ADAMTS12: variants seen among roughly 807,000 people sequenced by gnomAD.
ADAMTS12 encodes the protein ADAM metallopeptidase with thrombospondin type 1 motif 12.
A neutral mutation model predicts 167.8 loss-of-function variants in ADAMTS12; 118 were observed. That is an observed-to-expected ratio of 0.70 (90% confidence interval 0.61 to 0.82). The LOEUF is 0.82. Ranked by LOEUF, ADAMTS12 falls within the 40% of genes least tolerant of loss-of-function variation. The pLI is 0.00. For missense variants in ADAMTS12, 1,916 were observed against 1,998.8 expected (o/e 0.96, Z 0.79); for synonymous variants, 704 against 716.9 (o/e 0.98, Z 0.29).
At position 33,772,428 on chromosome 5, in the gene ADAMTS12, T is replaced by C. The variant is rs537309592; in HGVS notation, c.490-20880A>G. On this transcript the variant is annotated intron_variant, in intron 2 of 23. Transcript: ENST00000504830. ...TCTACCAGTGGGTCCAACTGAGCAG[T>C]GTGAGATGAAACTAATTTACCATGT... Among the ~76,000 whole-genome samples the C allele has an allele frequency of 3.3e-5, 5 of 152,222 alleles. No individual in the cohort carries two copies. In the South Asian group the frequency reaches 8.3e-4, roughly 25 times the overall value.
intron 6 of ADAMTS12, among the ~76,000 whole-genome samples, chr5:33,659,339 G>C (rs1258419633): frequency 6.6e-6 from 1 of 152,200 alleles, no homozygotes. Context: ...TTCAGTACTG[G>C]AGAGCGAGAT....
chr5:33,585,040 TC>T (rs1747269527), intron 18 of ADAMTS12, among the ~76,000 whole-genome samples: 2 of 43,720 alleles, frequency 4.6e-5, no homozygotes, highest in Non-Finnish European at 1.1e-4. Flanking sequence ...TATCCATGTA[TC>T]CATCCATCCA....
intron 2 of ADAMTS12, among the ~76,000 whole-genome samples, chr5:33,820,978 G>C (rs1215618360): frequency 6.6e-6 from 1 of 152,184 alleles, no homozygotes; most frequent in Non-Finnish European, 1.5e-5. Flanking sequence ...TCAGAGGGTG[G>C]AGTGTGAGAG....
chr5:33,786,461 CT>C (rs5867211), intron 2 of ADAMTS12, among the ~76,000 whole-genome samples: 17,385 of 146,884 alleles, frequency 0.12, 1,205 homozygotes, highest in Non-Finnish European at 0.15. Flanking sequence ...ATCTAAGAAG[CT>C]TTTTTTTTTT....
At chr5:33,805,474 T>C (rs998846020) in intron 2 of ADAMTS12, among the ~76,000 whole-genome samples, 1 of 152,186 alleles carries the variant, frequency 6.6e-6, no homozygotes, top group African/African-American at 2.4e-5. Flanking sequence ...TGAGGCTTAC[T>C]CCTTAATCAG....
intron 22 of ADAMTS12, among the ~76,000 whole-genome samples, chr5:33,536,389 G>A (rs1289471864): frequency 2.0e-5 from 3 of 152,116 alleles, no homozygotes; most frequent in African/African-American, 7.2e-5. Flanking sequence ...TTTGGCAAGG[G>A]GGAGCTAAAG....
chr5:33,818,262 T>C (rs1399418701), intron 2 of ADAMTS12, among the ~76,000 whole-genome samples: 4 of 152,086 alleles, frequency 2.6e-5, no homozygotes, highest in Non-Finnish European at 4.4e-5. Context: ...GACCTACAGG[T>C]CCATATTTCC....
At chr5:33,647,385 C>T (rs188136159) in intron 9 of ADAMTS12, among the ~76,000 whole-genome samples, 1 of 152,186 alleles carries the variant, frequency 6.6e-6, no homozygotes, top group African/African-American at 2.4e-5. Flanking sequence ...GGGAAGCGTT[C>T]AGATTCTACC....
intron 12 of ADAMTS12, among the ~76,000 whole-genome samples, chr5:33,635,069 C>A (rs377705814): frequency 6.6e-6 from 1 of 152,186 alleles, no homozygotes; most frequent in East Asian, 1.9e-4. Flanking sequence ...AATGAGTTTT[C>A]TATTTACCGT....
intron 21 of ADAMTS12, among the ~76,000 whole-genome samples, chr5:33,548,579 T>C (rs932547191): frequency 1.3e-5 from 2 of 152,128 alleles, no homozygotes; most frequent in African/African-American, 2.4e-5. Flanking sequence ...TTGAGATATT[T>C]AAACATTTGA....
chr5:33,607,622 T>C (rs1182376643), intron 16 of ADAMTS12, among the ~76,000 whole-genome samples: 1 of 152,212 alleles, frequency 6.6e-6, no homozygotes, highest in Non-Finnish European at 1.5e-5. Context: ...TTTAATGATA[T>C]TGATGATTCC....
At chr5:33,838,296 T>TA (rs1426896460) in intron 2 of ADAMTS12, among the ~76,000 whole-genome samples, 3 of 152,102 alleles carry the variant, frequency 2.0e-5, no homozygotes, top group African/African-American at 7.2e-5. Context: ...GTCAAAGGAT[T>TA]AAAAAAGGAA....
intron 3 of ADAMTS12, among the ~76,000 whole-genome samples, chr5:33,703,747 G>A (rs904901178): frequency 2.0e-5 from 3 of 152,102 alleles, no homozygotes; most frequent in African/African-American, 7.2e-5. Context: ...CAGTTTTAAG[G>A]GTGAATGGTA....
intron 15 of ADAMTS12, among the ~76,000 whole-genome samples, chr5:33,615,521 G>A (rs1296515473): frequency 6.6e-6 from 1 of 152,044 alleles, no homozygotes; most frequent in East Asian, 1.9e-4. Flanking sequence ...AAAGCTACTT[G>A]GAAACCCGTG....
At chr5:33,545,130 C>G in intron 22 of ADAMTS12, among the ~76,000 whole-genome samples, 1 of 152,150 alleles carries the variant, frequency 6.6e-6, no homozygotes, top group East Asian at 1.9e-4. Context: ...GGCTAATATC[C>G]AGAATCTGCA....
chr5:33,640,775 A>C (rs1357806787), intron 11 of ADAMTS12, among the ~76,000 whole-genome samples: 3 of 151,216 alleles, frequency 2.0e-5, no homozygotes, highest in African/African-American at 7.3e-5. Context: ...TAAATTCCTT[A>C]CACATACTAA....
chr5:33,569,253 A>G (rs1053475091), intron 19 of ADAMTS12, among the ~76,000 whole-genome samples: 2 of 152,240 alleles, frequency 1.3e-5, no homozygotes, highest in Admixed American at 6.5e-5. Flanking sequence ...TCGTTCTCCC[A>G]GCACGCAGCT....
chr5:33,751,134 C>A (rs1744959496), intron 3 of ADAMTS12: 3 of 494,826 alleles, frequency 6.1e-6, no homozygotes, highest in East Asian at 3.1e-5. Context: ...TGAGCATCAT[C>A]AATTAATGTG....
In ADAMTS12 at chr5:33,632,236, A is replaced by T. The variant is rs78413334; in HGVS notation, c.1889-1323T>A. 5.5e-3 allele frequency among the ~76,000 whole-genome samples: 843 copies of T among 152,150 alleles called. 4 individuals are homozygous for T. Among genetic ancestry groups the T allele is most frequent in the Middle Eastern group, 0.034 (10 of 294 alleles). On this transcript the variant is annotated intron_variant, in intron 12 of 23. Coordinates refer to ENST00000504830, the MANE Select transcript of ADAMTS12 (RefSeq NM_030955.4). ...ATAAAGATGGAGATAGACTCTGGGGACTCCAAAAGTAAGGAGGGTGGAAGG... is the reference window on the plus strand; with the variant it reads ...ATAAAGATGGAGATAGACTCTGGGGTCTCCAAAAGTAAGGAGGGTGGAAGG...
Sources: gnomAD v4.1 joint callset for allele counts (sites outside exome capture counted in the v4.1 genomes callset) on GRCh38, gnomAD v4.1.1 for gene constraint, MANE v1.5 for transcripts, NCBI Gene and HGNC (gene_info 2026-07-23, HGNC 2026-07-21) for gene names.